NUMA1: variants seen among roughly 807,000 people sequenced by gnomAD.
NUMA1 encodes SP-H antigen.
Under a neutral mutation model 237.1 loss-of-function variants are expected in NUMA1, and 62 were observed. That is an observed-to-expected ratio of 0.26 (90% confidence interval 0.21 to 0.32). The LOEUF (loss-of-function observed/expected upper bound fraction) is 0.32. NUMA1 is among the 10% of genes least tolerant of loss of function. NUMA1 has a pLI of 1.00. For missense variants in NUMA1, 2,533 were observed against 2,666.5 expected, an observed-to-expected ratio of 0.95 and a Z score of 1.10; for synonymous variants, 1,028 against 1,066.1, an observed-to-expected ratio of 0.96 and a Z score of 0.70.
chr11:72,016,172 C>T lies in NUMA1; in HGVS notation c.1331G>A (p.Gly444Asp), dbSNP rs1937702199. The change falls in exon 15 of 27, where the codon GGC becomes GAC. Residue 444 changes from glycine (G) to aspartate (D), a missense_variant. Physicochemically the swap from Gly to Asp is moderately conservative, Grantham distance 94. Coordinates refer to ENST00000393695, the MANE Select transcript of NUMA1 (RefSeq NM_006185.4). ...ARVEMLETER[G>D]QQEAKLLAER... Reference sequence around the variant, plus strand: ...AGCAAGCAGCTTGGCTTCCTGCTGGCCTCGCTCAGTCTCCAGCATCTCTAC... The same window carrying T: ...AGCAAGCAGCTTGGCTTCCTGCTGGTCTCGCTCAGTCTCCAGCATCTCTAC... The T allele has an allele frequency of 6.2e-7, 1 of 1,613,774 alleles. No homozygotes were observed. Among genetic ancestry groups the T allele is most frequent in the Non-Finnish European group, 8.5e-7 (1 of 1,179,854 alleles).
At position 72,007,373 on chromosome 11, in the gene NUMA1, G is replaced by C. The variant is rs1197957958; in HGVS notation, c.5279C>G (p.Ser1760Cys). 6 of 1,613,744 alleles carry C rather than the reference G, an allele frequency of 3.7e-6. No individual in the cohort carries two copies. In the African/African-American group the frequency reaches 8.0e-5, roughly 22 times the overall value. The part of the protein sequence containing the change: ...SVPGEPASPI[S>C]QRLPPKVESL... ...TTCTACCTTGGGGGGCAGGCGCTGGGAGATAGGTGAGGCTGGTTCTCCAGG... is the reference window on the plus strand; with the variant it reads ...TTCTACCTTGGGGGGCAGGCGCTGGCAGATAGGTGAGGCTGGTTCTCCAGG... The change falls in exon 21 of 27, where the codon TCC (serine) becomes TGC (cysteine). Residue 1760 changes from serine (S) to cysteine (C), a missense_variant. Transcript: ENST00000393695.
At chr11:72,026,897 T>C (rs577277427) in intron 4 of NUMA1, among the ~76,000 whole-genome samples, 32 of 152,304 alleles carry the variant, frequency 2.1e-4, no homozygotes, top group Non-Finnish European at 3.8e-4. Flanking sequence ...GGATCTGAGA[T>C]GGAGATTAGC....
At position 72,009,041 on chromosome 11, in the gene NUMA1, C is replaced by T; in HGVS notation, c.4984G>A (p.Ala1662Thr). ...TCAGCCTCCTTGGTCTTCAGCCCAGCCTGCTGTAGCTCATGGCCCAGCCGT... is the reference window on the plus strand; with the variant it reads ...TCAGCCTCCTTGGTCTTCAGCCCAGTCTGCTGTAGCTCATGGCCCAGCCGT... ...AERLGHELQQ[A>T]GLKTKEAEQT... Residue 1662 changes from alanine to threonine, a missense_variant, in exon 19 of 27, where the codon GCT (alanine) becomes ACT (threonine). Transcript: ENST00000393695. The T allele has an allele frequency of 6.2e-7, 1 of 1,613,814 alleles. No homozygotes were observed. The highest frequency in any genetic ancestry group is 1.3e-5 in the African/African-American group (1 of 75,036).
chr11:72,059,417 A>C (rs1286706888), intron 2 of NUMA1, among the ~76,000 whole-genome samples: 4 of 152,096 alleles, frequency 2.6e-5, no homozygotes, highest in Non-Finnish European at 5.9e-5. Flanking sequence ...CTGGGACTAA[A>C]GGTGCGCACC....
intron 22 of NUMA1, 179 bp from the exon 23 acceptor site, chr11:72,005,548 C>A: frequency 1.7e-6 from 1 of 584,220 alleles, no homozygotes; most frequent in Non-Finnish European, 2.9e-6. Context: ...ATCCTAGGGG[C>A]TTGCTCACCA....
At chr11:72,053,636 T>C (rs1281065546) in intron 2 of NUMA1, among the ~76,000 whole-genome samples, 1 of 152,138 alleles carries the variant, frequency 6.6e-6, no homozygotes, top group Non-Finnish European at 1.5e-5. Flanking sequence ...GCAAAAACCA[T>C]TGTCTGTTAC....
chr11:72,034,092 G>T (rs575528228), intron 3 of NUMA1, among the ~76,000 whole-genome samples: 51 of 152,162 alleles, frequency 3.4e-4, no homozygotes, highest in Admixed American at 2.9e-3. Context: ...TCCAGTCTAG[G>T]CAACAGAATG....
Position 72,015,870 on chromosome 11 carries a change from C to T in NUMA1, c.1633G>A (p.Ala545Thr). ...ACCTGGTGGCGGAGGCCCTGGGAGGCCTGTTCTTGCTGTTGGAGGGTCTGT... is the reference window on the plus strand; with the variant it reads ...ACCTGGTGGCGGAGGCCCTGGGAGGTCTGTTCTTGCTGTTGGAGGGTCTGT... The part of the protein sequence containing the change: ...LAQTLQQQEQ[A>T]SQGLRHQVEQ... The change falls in exon 15 of 27, where the codon GCC becomes ACC. Residue 545 changes from alanine (A) to threonine (T), a missense_variant. Ala to Thr is a moderately conservative substitution (Grantham distance 58, BLOSUM62 0). Coordinates refer to ENST00000393695, the MANE Select transcript of NUMA1 (RefSeq NM_006185.4). The surrounding 1 kb of genome is among the most constrained non-coding windows in gnomAD (Gnocchi z 4.0). The T allele has an allele frequency of 1.2e-6, 2 of 1,614,152 alleles. No individual in the cohort carries two copies. Among genetic ancestry groups the T allele is most frequent in the Non-Finnish European group, 1.7e-6 (2 of 1,180,032 alleles).
Position 72,061,549 on chromosome 11 carries a change from G to A in NUMA1, c.-33+8293C>T, listed in dbSNP as rs115279907. On this transcript the variant is annotated intron_variant, in intron 2 of 26. Coordinates refer to ENST00000393695, the MANE Select transcript of NUMA1 (RefSeq NM_006185.4). ...TCTGTTGCCCAGGCTGGAGTGCAGC[G>A]GTACAATCACAGTTTACCACAGCCT... 4.0e-3 allele frequency among the ~76,000 whole-genome samples: 542 copies of A among 136,364 alleles called. 5 individuals are homozygous for A. The highest frequency in any genetic ancestry group is 0.014 in the African/African-American group (520 of 35,986). 89.5% of individuals were successfully genotyped at this position (136,364 alleles called of 152,430 possible).
chr11:72,016,164 C>T lies in NUMA1; in HGVS notation c.1339G>A (p.Glu447Lys). Residue 447 changes from glutamate (E) to lysine (K), a missense_variant, in exon 15 of 27, where the codon GAA becomes AAA. Glu to Lys is a moderately conservative substitution (Grantham distance 56, BLOSUM62 1). Transcript: ENST00000393695. ...EMLETERGQQ[E>K]AKLLAERGHF... ...CCCCGCTCAGCAAGCAGCTTGGCTT[C>T]CTGCTGGCCTCGCTCAGTCTCCAGC... The T allele has an allele frequency of 6.2e-7, 1 of 1,613,844 alleles. No individual in the cohort carries two copies. The highest frequency in any genetic ancestry group is 8.5e-7 in the Non-Finnish European group (1 of 1,179,896).
Position 72,003,229 on chromosome 11 carries a change from T to C in NUMA1, c.*298A>G. 2.1e-6 allele frequency: 1 copy of C among 470,872 alleles called. No homozygotes were observed. 29.2% of individuals were successfully genotyped at this position (470,872 alleles called of 1,614,324 possible). On this transcript the variant is annotated 3_prime_UTR_variant, in exon 27 of 27. Coordinates refer to ENST00000393695, the MANE Select transcript of NUMA1 (RefSeq NM_006185.4). ...CTGGCCAGGCCCAAGGACCCAGCCA[T>C]CAAAACCAGCCTCAAATCTGGTTGT...
At chr11:72,007,480 G>A (rs1389859615) in intron 20 of NUMA1, 45 bp from the exon 21 acceptor site, 5 of 1,604,006 alleles carry the variant, frequency 3.1e-6, no homozygotes, top group South Asian at 1.1e-5. Flanking sequence ...CACGCTAGAA[G>A]GCATTTTGTC....
intron 9 of NUMA1, among the ~76,000 whole-genome samples, 153 bp downstream of exon 9, chr11:72,019,341 C>CAGTTAAT: frequency 6.6e-6 from 1 of 152,288 alleles, no homozygotes; most frequent in South Asian, 2.1e-4. Flanking sequence ...CCACTTCCCC[C>CAGTTAAT]AGTTAATACT....
intron 1 of NUMA1, chr11:72,072,354 A>T (rs1437464814): frequency 6.5e-6 from 1 of 154,648 alleles, no homozygotes; most frequent in Non-Finnish European, 1.5e-5. Context: ...CAGTCACAGG[A>T]AGGCACTCAA....
Position 72,014,852 on chromosome 11 carries a change from G to A in NUMA1, c.2651C>T (p.Ala884Val). 1 of 1,614,238 alleles carries A rather than the reference G, an allele frequency of 6.2e-7. No homozygotes were observed. Among genetic ancestry groups the A allele is most frequent in the Non-Finnish European group, 8.5e-7 (1 of 1,180,044 alleles). ...TTCCTTCTCTTGGACCTGCTGGAGTGCTCTGGCCAGGTTGGCATGGAGCTC... is the reference window on the plus strand; with the variant it reads ...TTCCTTCTCTTGGACCTGCTGGAGTACTCTGGCCAGGTTGGCATGGAGCTC... ...LAELHANLAR[A>V]LQQVQEKEVR... The change falls in exon 15 of 27, where the codon GCA becomes GTA. Residue 884 changes from alanine to valine, a missense_variant. This residue lies in a region of NUMA1 where 1,414 missense variants were observed against 1,508.1 expected (regional missense o/e 0.94). Coordinates refer to ENST00000393695, the MANE Select transcript of NUMA1 (RefSeq NM_006185.4). This position sits in a 1 kb window ranked among gnomAD's most constrained non-coding sequence, Gnocchi z 4.6.
Position 72,064,827 on chromosome 11 carries a change from T to C in NUMA1, c.-33+5015A>G, listed in dbSNP as rs370354468. Reference sequence around the variant, plus strand: ...AAGCCTGGGTGAGAGAGTGAGACCCTGTCTCAAAACAAACAAACAAAAAAA... The same window carrying C: ...AAGCCTGGGTGAGAGAGTGAGACCCCGTCTCAAAACAAACAAACAAAAAAA... On this transcript the variant is annotated intron_variant, in intron 2 of 26. Coordinates refer to ENST00000393695, the MANE Select transcript of NUMA1 (RefSeq NM_006185.4). Among the ~76,000 whole-genome samples, 18 of 123,440 alleles carry C rather than the reference T, an allele frequency of 1.5e-4. No individual in the cohort carries two copies. The East Asian group carries it at 3.6e-3, about 24-fold the overall frequency. 81.0% of individuals were successfully genotyped at this position (123,440 alleles called of 152,430 possible). A position where few individuals can be genotyped will look rare whatever the true frequency, so the allele number is the denominator to read the frequency against.
In NUMA1 at chr11:72,003,995, A is replaced by G. The variant is rs2134331078; in HGVS notation, c.6228T>C (p.Ala2076=). ...RGASKKALSK[A]SPNTRSGTRR... is the part of the protein sequence containing the mutation. The stretch of plus-strand genomic sequence containing the variant: ...GGGTTCCACTGCGAGTGTTGGGGGA[A>G]GCCTTGGACAGGGCCTTCTTTGAGG... Residue 2076 remains alanine (A), a synonymous_variant, in exon 26 of 27, where the codon GCT becomes GCC. Coordinates refer to ENST00000393695, the MANE Select transcript of NUMA1 (RefSeq NM_006185.4). 1.2e-6 allele frequency: 2 copies of G among 1,613,282 alleles called. No individual in the cohort carries two copies. Among genetic ancestry groups the G allele is most frequent in the Non-Finnish European group, 1.7e-6 (2 of 1,179,542 alleles).
Position 72,013,714 on chromosome 11 carries a change from C to T in NUMA1, c.3789G>A (p.Gln1263=), listed in dbSNP as rs61749192. 8.3e-4 allele frequency: 1,329 copies of T among 1,609,784 alleles called. 4 individuals carry two copies. The African/African-American group carries it at 0.016, about 19-fold the overall frequency. Residue 1263 remains glutamine (Q), a synonymous_variant, in exon 15 of 27, where the codon CAG becomes CAA. Coordinates refer to ENST00000393695, the MANE Select transcript of NUMA1 (RefSeq NM_006185.4). This position sits in a 1 kb window ranked among gnomAD's most constrained non-coding sequence, Gnocchi z 6.8. ...GCAGGCGCAGCCTCTCCTCCAGCTT[C>T]TGGCTCTTCTCTGACTCGGCCATCA... ...RLVMAESEKS[Q]KLEERLRLLQ... is the part of the protein sequence containing the mutation.
intron 17 of NUMA1, among the ~76,000 whole-genome samples, chr11:72,010,168 CCAA>C (rs1956050953): frequency 6.6e-6 from 1 of 152,206 alleles, no homozygotes; most frequent in Admixed American, 6.5e-5. Flanking sequence ...CTCTGAGCTC[CCAA>C]CAACTCCTAG....
Sources: gnomAD v4.1 joint callset for allele counts (sites outside exome capture counted in the v4.1 genomes callset) on GRCh38, gnomAD v4.1.1 for gene constraint, gnomAD v4.1.1 regional missense constraint, Gnocchi (gnomAD v3.1) non-coding constraint, MANE v1.5 for transcripts, NCBI Gene and HGNC (gene_info 2026-07-23, HGNC 2026-07-21) for gene names.